Variants in RBFOX1 observed in about 807,000 individuals in gnomAD.
RBFOX1 encodes RNA binding fox-1 homolog 1, also known as RNA binding protein fox-1 homolog 1.
In RBFOX1, 8 loss-of-function variants were observed where a neutral mutation model predicts 57.7. The ratio of observed to expected loss-of-function variants is 0.14; its 90% confidence interval spans 0.08 to 0.25. The LOEUF (loss-of-function observed/expected upper bound fraction) is 0.25. RBFOX1 is among the 10% of genes least tolerant of loss of function. RBFOX1 has a pLI of 1.00. For synonymous variants in RBFOX1, 326 were observed against 222.4 expected, an observed-to-expected ratio of 1.47 and a Z score of -4.15; for missense variants, 611 against 548.5, an observed-to-expected ratio of 1.11 and a Z score of -1.14.
intron 2 of RBFOX1, among the ~76,000 whole-genome samples, chr16:5,585,639 C>T (rs117647049): frequency 0.013 from 1,958 of 152,344 alleles, 10 homozygotes; most frequent in Middle Eastern, 0.024. Context: ...GACAAGGCCC[C>T]TTATAGATAC....
chr16:5,850,809 C>T (rs932011606), intron 3 of RBFOX1, among the ~76,000 whole-genome samples: 3 of 152,188 alleles, frequency 2.0e-5, no homozygotes, highest in East Asian at 1.9e-4. Flanking sequence ...GAAAGGGCCC[C>T]GGGCCAGGTG....
At chr16:6,361,628 T>TTAAAAAAAAAAAAA (rs1371587081) in intron 2 of RBFOX1, among the ~76,000 whole-genome samples, 56 of 127,948 alleles carry the variant, frequency 4.4e-4, no homozygotes, top group African/African-American at 1.6e-3. Flanking sequence ...ACTCTGTCTC[T>TTAAAAAAAAAAAAA]AAAAAAAAAA....
chr16:5,678,148 A>G (rs2050221864), intron 3 of RBFOX1, among the ~76,000 whole-genome samples: 1 of 152,060 alleles, frequency 6.6e-6, no homozygotes, highest in African/African-American at 2.4e-5. Flanking sequence ...CTTCTGGGCA[A>G]TTTGGTGCAG....
At chr16:7,283,040 G>A (rs2095578254) in intron 4 of RBFOX1, among the ~76,000 whole-genome samples, 1 of 152,148 alleles carries the variant, frequency 6.6e-6, no homozygotes, top group Non-Finnish European at 1.5e-5. Flanking sequence ...TTGCAATTGT[G>A]AATTGTGCTG....
At chr16:6,359,211 G>C (rs1600081971) in intron 2 of RBFOX1, among the ~76,000 whole-genome samples, 1 of 152,098 alleles carries the variant, frequency 6.6e-6, no homozygotes, top group Non-Finnish European at 1.5e-5. Context: ...TCCTGCCTCT[G>C]CCTCCTGAGT....
At chr16:7,289,476 C>G (rs913060527) in intron 4 of RBFOX1, among the ~76,000 whole-genome samples, 6 of 152,120 alleles carry the variant, frequency 3.9e-5, no homozygotes, top group Non-Finnish European at 8.8e-5. Context: ...CTGTCACCAC[C>G]ATTATGATTA....
At chr16:7,208,970 T>C (rs576814936) in intron 4 of RBFOX1, among the ~76,000 whole-genome samples, 37 of 152,104 alleles carry the variant, frequency 2.4e-4, no homozygotes, top group African/African-American at 8.9e-4. Context: ...ACTCTTCACT[T>C]CATCTTCCCT....
intron 3 of RBFOX1, among the ~76,000 whole-genome samples, chr16:5,795,515 T>C (rs1205778563): frequency 6.6e-6 from 1 of 152,098 alleles, no homozygotes; most frequent in African/African-American, 2.4e-5. Context: ...GGTTGTGAAT[T>C]CCTGGGCTCA....
At chr16:6,582,471 T>TC (rs2097549347) in intron 2 of RBFOX1, among the ~76,000 whole-genome samples, 2 of 151,616 alleles carry the variant, frequency 1.3e-5, no homozygotes, top group African/African-American at 4.8e-5. Context: ...ATTTTTTTTT[T>TC]TTTCAATTTT....
chr16:6,307,757 G>T (rs1042994516), intron 1 of RBFOX1, among the ~76,000 whole-genome samples: 9 of 146,456 alleles, frequency 6.1e-5, no homozygotes, highest in African/African-American at 2.2e-4. Context: ...TATACATGAT[G>T]ATTGTTTATA....
chr16:5,797,031 A>G (rs1250688389), intron 3 of RBFOX1, among the ~76,000 whole-genome samples: 1 of 152,238 alleles, frequency 6.6e-6, no homozygotes, highest in Non-Finnish European at 1.5e-5. Flanking sequence ...ATGACAGTCT[A>G]ATAAGTGCCA....
At chr16:6,013,160 T>A (rs994952218) in intron 4 of RBFOX1, among the ~76,000 whole-genome samples, 1 of 152,224 alleles carries the variant, frequency 6.6e-6, no homozygotes, top group Non-Finnish European at 1.5e-5. Flanking sequence ...GTAGTAGATA[T>A]GGAATATGAA....
At chr16:7,394,209 C>T (rs2098098570) in intron 4 of RBFOX1, among the ~76,000 whole-genome samples, 1 of 121,886 alleles carries the variant, frequency 8.2e-6, no homozygotes, top group South Asian at 2.7e-4. Context: ...GCACTCTAGC[C>T]TGGGCAACAG....
intron 4 of RBFOX1, among the ~76,000 whole-genome samples, chr16:6,002,016 G>A (rs2060609276): frequency 6.8e-6 from 1 of 146,028 alleles, no homozygotes; most frequent in South Asian, 2.2e-4. Flanking sequence ...ACTCAGGCTG[G>A]AGTGCCGTGG....
chr16:6,846,040 C>T (rs986456376), intron 3 of RBFOX1, among the ~76,000 whole-genome samples: 1 of 152,190 alleles, frequency 6.6e-6, no homozygotes, highest in Non-Finnish European at 1.5e-5. Context: ...ATTTCTGTCC[C>T]TCAACAAGCA....
rs1392082028 is a variant in RBFOX1, at chr16:7,713,179, G to A, written c.*2434G>A. ...ATTATGGAAAATTAATATTATGTGT[G>A]GCATATAGTGACTTCTTAACACACA... On this transcript the variant is annotated 3_prime_UTR_variant, in exon 16 of 16. Coordinates refer to ENST00000550418, the MANE Select transcript of RBFOX1 (RefSeq NM_018723.4). 5 of 152,030 alleles carry A rather than the reference G, an allele frequency of 3.3e-5. No individual in the cohort carries two copies. Among genetic ancestry groups the A allele is most frequent in the Admixed American group, 3.3e-4 (5 of 15,268 alleles). The allele number at this position is 152,030 out of a possible 1,614,324, so 9.4% of individuals were successfully genotyped here.
chr16:6,093,313 C>G (rs1465016377), intron 1 of RBFOX1, among the ~76,000 whole-genome samples: 1 of 151,872 alleles, frequency 6.6e-6, no homozygotes, highest in Non-Finnish European at 1.5e-5. Flanking sequence ...GTGGCTCGCA[C>G]CTGTAGGCAC....
chr16:6,357,523 T>C (rs34486262), intron 2 of RBFOX1, among the ~76,000 whole-genome samples: 14,443 of 152,132 alleles, frequency 0.095, 870 homozygotes, highest in Middle Eastern at 0.14. Flanking sequence ...TAGCCTTTTT[T>C]ACTAGGTGGA....
At chr16:7,455,197 G>A (rs529958767) in intron 4 of RBFOX1, among the ~76,000 whole-genome samples, 1 of 152,142 alleles carries the variant, frequency 6.6e-6, no homozygotes, top group African/African-American at 2.4e-5. Context: ...GAATCCTTTA[G>A]CCTACCAAAT....
Sources: allele counts gnomAD v4.1 joint callset (sites outside exome capture counted in the v4.1 genomes callset), GRCh38; gene constraint gnomAD v4.1.1; transcripts MANE v1.5; gene names NCBI Gene and HGNC (gene_info 2026-07-23, HGNC 2026-07-21).